Variants in DOK5 observed in about 807,000 individuals in gnomAD.
DOK5 encodes the protein downstream of tyrosine kinase 5.
In DOK5, 27 loss-of-function variants were observed where a neutral mutation model predicts 43.3. The ratio of observed to expected loss-of-function variants is 0.62; its 90% CI spans 0.46 to 0.86. The LOEUF (loss-of-function observed/expected upper bound fraction) is 0.86, where lower values mean the gene tolerates loss of function less well. DOK5 is among the 40% of genes least tolerant of loss of function. The pLI is 0.00. For synonymous variants in DOK5, 146 were observed against 140.1 expected, an observed-to-expected ratio of 1.04 and a Z score of -0.30; for missense variants, 373 against 392.9, an observed-to-expected ratio of 0.95 and a Z score of 0.43.
intron 1 of DOK5, among the ~76,000 whole-genome samples, chr20:54,477,038 G>A (rs1343976226): frequency 1.3e-5 from 2 of 151,902 alleles, no homozygotes; most frequent in African/African-American, 2.4e-5. Flanking sequence ...TGAAAAGTGG[G>A]GGTGGAGAGG....
At chr20:54,545,611 T>G (rs1405283742) in intron 1 of DOK5, among the ~76,000 whole-genome samples, 1 of 152,222 alleles carries the variant, frequency 6.6e-6, no homozygotes, top group Non-Finnish European at 1.5e-5. Context: ...AACATCTAAT[T>G]CTAATGTAGT....
intron 6 of DOK5, among the ~76,000 whole-genome samples, chr20:54,623,562 G>A (rs1230565941): frequency 6.6e-6 from 1 of 152,014 alleles, no homozygotes; most frequent in Non-Finnish European, 1.5e-5. Context: ...CTATTACAGT[G>A]ATTTCGTCTT....
At chr20:54,592,468 A>G (rs1342680181) in intron 5 of DOK5, among the ~76,000 whole-genome samples, 1 of 152,026 alleles carries the variant, frequency 6.6e-6, no homozygotes. Flanking sequence ...AGATTCCTCT[A>G]GCCATAATCC....
At chr20:54,482,025 C>T (rs961375783) in intron 1 of DOK5, among the ~76,000 whole-genome samples, 1 of 152,156 alleles carries the variant, frequency 6.6e-6, no homozygotes, top group Non-Finnish European at 1.5e-5. Flanking sequence ...TTGTTCATAT[C>T]CTCAAAGAAC....
chr20:54,606,375 A>T (rs1435040896), intron 5 of DOK5, among the ~76,000 whole-genome samples: 3 of 152,148 alleles, frequency 2.0e-5, no homozygotes, highest in African/African-American at 7.2e-5. Context: ...AAGAGCATCC[A>T]GGGTAAAAAT....
chr20:54,563,394 C>T (rs1179101795), intron 2 of DOK5, among the ~76,000 whole-genome samples: 9 of 152,136 alleles, frequency 5.9e-5, no homozygotes, highest in Non-Finnish European at 1.2e-4. Context: ...TATTAACTTC[C>T]AACATTACCA....
chr20:54,498,379 T>C (rs1982477615), intron 1 of DOK5, among the ~76,000 whole-genome samples: 1 of 152,222 alleles, frequency 6.6e-6, no homozygotes. Context: ...TAAATTGTCT[T>C]ATTTCATATC....
chr20:54,585,231 A>G (rs1196837132), intron 2 of DOK5, among the ~76,000 whole-genome samples: 1 of 152,104 alleles, frequency 6.6e-6, no homozygotes. Context: ...CCGTTGCTTT[A>G]AAATTTGATT....
chr20:54,477,656 A>AC (rs1002115171), intron 1 of DOK5, among the ~76,000 whole-genome samples: 29 of 150,436 alleles, frequency 1.9e-4, no homozygotes, highest in Admixed American at 4.7e-4. Flanking sequence ...TTAAAAAAAA[A>AC]AAAAACCCAG....
chr20:54,505,471 G>A (rs1982769952), intron 1 of DOK5, among the ~76,000 whole-genome samples: 1 of 152,092 alleles, frequency 6.6e-6, no homozygotes. Context: ...TTTATGGGCT[G>A]CTATATTGAG....
chr20:54,611,554 C>G (rs1986651297), intron 6 of DOK5, among the ~76,000 whole-genome samples: 1 of 151,566 alleles, frequency 6.6e-6, no homozygotes, highest in Non-Finnish European at 1.5e-5. Context: ...AAGAGAGACA[C>G]TGCCTAAAAA....
chr20:54,540,117 C>T (rs1042526002), intron 1 of DOK5, among the ~76,000 whole-genome samples: 2 of 151,910 alleles, frequency 1.3e-5, no homozygotes, highest in African/African-American at 4.8e-5. Context: ...CTCTCTAAGT[C>T]CCTTTGGAAG....
chr20:54,552,995 T>A (rs1448293092), intron 1 of DOK5, among the ~76,000 whole-genome samples: 2 of 152,210 alleles, frequency 1.3e-5, no homozygotes, highest in African/African-American at 4.8e-5. Flanking sequence ...TAGACTTTGT[T>A]TTGTTTCTTC....
chr20:54,517,080 G>A (rs925656468), intron 1 of DOK5, among the ~76,000 whole-genome samples: 4 of 152,100 alleles, frequency 2.6e-5, no homozygotes, highest in African/African-American at 9.7e-5. Flanking sequence ...TGAAAATAAT[G>A]TTGTGTGCAA....
In DOK5 at chr20:54,475,613, C is replaced by A; in HGVS notation, c.-334C>A. 1 of 392,744 alleles carries A rather than the reference C, an allele frequency of 2.5e-6. No individual in the cohort carries two copies. The highest frequency in any genetic ancestry group is 4.6e-6 in the Non-Finnish European group (1 of 216,742). 24.3% of individuals were successfully genotyped at this position (392,744 alleles called of 1,614,324 possible). A position where few individuals can be genotyped will look rare whatever the true frequency, so the allele number is the denominator to read the frequency against. On this transcript the variant is annotated 5_prime_UTR_variant, in exon 1 of 8. Coordinates refer to ENST00000262593, the MANE Select transcript of DOK5 (RefSeq NM_018431.5). This position sits in a 1 kb window ranked among gnomAD's most constrained non-coding sequence, Gnocchi z 4.2. ...TCCTCCTTCTTCTCCTCCTTCTCGG[C>A]CGGGAGGAGGCAGGGCTGGATCCCT... is the stretch of plus-strand genomic sequence containing the variant.
chr20:54,581,707 A>T (rs1985648574), intron 2 of DOK5, among the ~76,000 whole-genome samples: 1 of 151,936 alleles, frequency 6.6e-6, no homozygotes, highest in Non-Finnish European at 1.5e-5. Context: ...TAGTGTATAG[A>T]AATACAACTG....
intron 1 of DOK5, among the ~76,000 whole-genome samples, chr20:54,531,928 T>C (rs1200912022): frequency 6.6e-6 from 1 of 152,122 alleles, no homozygotes; most frequent in Admixed American, 6.6e-5. Flanking sequence ...TTAAGTGTAG[T>C]TTGTTTATGA....
At position 54,554,957 on chromosome 20, in the gene DOK5, T is replaced by C; in HGVS notation, c.91T>C (p.Phe31Leu). Residue 31 changes from phenylalanine to leucine, a missense_variant, in exon 2 of 8, where the codon TTC becomes CTC. Transcript: ENST00000262593. Reference sequence around the variant, plus strand: ...GATTTATCAGCGATGCTGGTTAGTATTCAAGAAAGCTTCAAGCAAAGGTCC... The same window carrying C: ...GATTTATCAGCGATGCTGGTTAGTACTCAAGAAAGCTTCAAGCAAAGGTCC... ...LGIYQRCWLV[F>L]KKASSKGPKR... 1.9e-6 allele frequency: 3 copies of C among 1,613,598 alleles called. No individual in the cohort carries two copies. The highest frequency in any genetic ancestry group is 1.3e-5 in the African/African-American group (1 of 75,044).
rs1600719850 is a variant in DOK5 at position 54,588,404 on chromosome 20, TCCGGG to T, written c.175-76_175-72del. The T allele has an allele frequency of 7.7e-6, 9 of 1,170,748 alleles. No homozygotes were observed. The East Asian group carries it at 2.1e-4, about 27-fold the overall frequency. The allele number at this position is 1,170,748 out of a possible 1,614,324, so 72.5% of individuals were successfully genotyped here. A position where few individuals can be genotyped will look rare whatever the true frequency, so the allele number is the denominator to read the frequency against. On this transcript the variant is annotated intron_variant, in intron 2 of 7. Coordinates refer to ENST00000262593, the MANE Select transcript of DOK5 (RefSeq NM_018431.5). ...TCAGCTGTGCTGTGCCATACTGATT[TCCGGG>T]CCTCACCTTTGGTGTTGTATACTGG...
Sources: allele counts gnomAD v4.1 joint callset (sites outside exome capture counted in the v4.1 genomes callset), GRCh38; gene constraint gnomAD v4.1.1; non-coding constraint Gnocchi (gnomAD v3.1); transcripts MANE v1.5; gene names NCBI Gene and HGNC (gene_info 2026-07-23, HGNC 2026-07-21).